Variants in NEDD4 observed in about 807,000 individuals in gnomAD.
The protein encoded by NEDD4 is E3 ubiquitin-protein ligase NEDD4.
In NEDD4, 99 loss-of-function variants were observed where a neutral mutation model predicts 144.9. That is an observed-to-expected ratio of 0.68 (90% CI 0.58 to 0.81). The LOEUF is 0.81. NEDD4 is among the 30% of genes least tolerant of loss of function. NEDD4 has a pLI of 0.00. For missense variants in NEDD4, 985 were observed against 1,065.9 expected, an observed-to-expected ratio of 0.92 and a Z score of 1.06; for synonymous variants, 318 against 350.6, an observed-to-expected ratio of 0.91 and a Z score of 1.04.
intron 5 of NEDD4, among the ~76,000 whole-genome samples, chr15:55,874,668 T>C (rs931218242): frequency 1.3e-5 from 2 of 152,184 alleles, no homozygotes; most frequent in Non-Finnish European, 2.9e-5. Context: ...TTCAGCTATG[T>C]TAACTTGCTA....
At chr15:55,985,065 G>A (rs1272527135) in intron 1 of NEDD4, among the ~76,000 whole-genome samples, 1 of 152,166 alleles carries the variant, frequency 6.6e-6, no homozygotes, top group Non-Finnish European at 1.5e-5. Flanking sequence ...AATTATGCAA[G>A]ATTCACCAAG....
chr15:55,980,733 G>A (rs2037784120), intron 1 of NEDD4, among the ~76,000 whole-genome samples: 1 of 152,146 alleles, frequency 6.6e-6, no homozygotes, highest in African/African-American at 2.4e-5. Flanking sequence ...GCAAGAGGCT[G>A]TCTTCAACAA....
intron 4 of NEDD4, among the ~76,000 whole-genome samples, chr15:55,938,636 T>C (rs1439944240): frequency 6.6e-6 from 1 of 151,932 alleles, no homozygotes; most frequent in African/African-American, 2.4e-5. Flanking sequence ...TAAAAAGCTA[T>C]ATGACAAAAG....
At chr15:55,981,133 C>A (rs2037796030) in intron 1 of NEDD4, among the ~76,000 whole-genome samples, 1 of 151,472 alleles carries the variant, frequency 6.6e-6, no homozygotes, top group Non-Finnish European at 1.5e-5. Flanking sequence ...ATGTCTACCT[C>A]CCAGGTTCAA....
chr15:55,982,728 C>T (rs1196040476), intron 1 of NEDD4, among the ~76,000 whole-genome samples: 1 of 152,158 alleles, frequency 6.6e-6, no homozygotes, highest in Non-Finnish European at 1.5e-5. Context: ...TTGTAAATTT[C>T]ACTCTTCCCC....
At chr15:55,960,892 T>C (rs1463606788) in intron 2 of NEDD4, among the ~76,000 whole-genome samples, 9 of 152,218 alleles carry the variant, frequency 5.9e-5, no homozygotes, top group Non-Finnish European at 1.3e-4. Context: ...GTGCATGTCC[T>C]AGATGGCTCC....
rs1389676827 is a variant in NEDD4, at chr15:55,829,470, T to C, written c.*427A>G. The C allele has an allele frequency of 6.5e-6, 1 of 154,816 alleles. No homozygotes were observed. Among genetic ancestry groups the C allele is most frequent in the East Asian group, 1.9e-4 (1 of 5,260 alleles). 9.6% of individuals were successfully genotyped at this position (154,816 alleles called of 1,614,324 possible). A position where few individuals can be genotyped will look rare whatever the true frequency, so the allele number is the denominator to read the frequency against. On this transcript the variant is annotated 3_prime_UTR_variant, in exon 29 of 29. Transcript: ENST00000435532. The stretch of plus-strand genomic sequence containing the variant: ...CAAATTTCAGTTTTCCATCTCAAAA[T>C]GCATCAAACTTTTCACACATGACAC...
chr15:55,851,119 G>A (rs1214401841), intron 13 of NEDD4, among the ~76,000 whole-genome samples: 1 of 152,146 alleles, frequency 6.6e-6, no homozygotes, highest in East Asian at 1.9e-4. Flanking sequence ...CCTATAGGAG[G>A]AGGTCGTCTT....
At chr15:55,955,877 A>G (rs1046723309) in intron 2 of NEDD4, among the ~76,000 whole-genome samples, 10 of 148,730 alleles carry the variant, frequency 6.7e-5, no homozygotes, top group African/African-American at 2.5e-4. Context: ...GTAAGGTGGC[A>G]CAAACACGGC....
intron 5 of NEDD4, among the ~76,000 whole-genome samples, chr15:55,899,324 A>G (rs1461730174): frequency 6.6e-6 from 1 of 152,242 alleles, no homozygotes; most frequent in African/African-American, 2.4e-5. Context: ...TTTCAGAAGT[A>G]GAAACTGATT....
chr15:55,920,758 G>A (rs1301047993), intron 5 of NEDD4, among the ~76,000 whole-genome samples: 1 of 152,150 alleles, frequency 6.6e-6, no homozygotes, highest in Non-Finnish European at 1.5e-5. Context: ...CATTTATAAT[G>A]ACACAGGTCA....
At chr15:55,923,832 T>TC (rs1362543202) in intron 5 of NEDD4, among the ~76,000 whole-genome samples, 1 of 149,746 alleles carries the variant, frequency 6.7e-6, no homozygotes, top group Non-Finnish European at 1.5e-5. Context: ...AAAACAGACT[T>TC]TTTTTTAAAA....
chr15:55,938,844 G>A (rs1302085178), intron 4 of NEDD4, among the ~76,000 whole-genome samples: 11 of 152,154 alleles, frequency 7.2e-5, no homozygotes, highest in Admixed American at 5.2e-4. Flanking sequence ...AGTGGCTCAT[G>A]CCTGTGATCT....
At chr15:55,852,621 C>A in intron 12 of NEDD4, 78 bp from the exon 13 acceptor site, 1 of 1,384,168 alleles carries the variant, frequency 7.2e-7, no homozygotes, top group Admixed American at 1.9e-5. Flanking sequence ...TTCCCTCTGT[C>A]CCTATGTCTA....
At chr15:55,916,226 C>G in intron 5 of NEDD4, 1 of 1,613,914 alleles carries the variant, frequency 6.2e-7, no homozygotes, top group Non-Finnish European at 8.5e-7. Flanking sequence ...AGTTTCCACC[C>G]AAAAAAGTAT....
Position 55,993,527 on chromosome 15 carries a change from C to T in NEDD4, c.29G>A (p.Gly10Glu). The T allele has an allele frequency of 1.3e-6, 2 of 1,598,024 alleles. No homozygotes were observed. Among genetic ancestry groups the T allele is most frequent in the African/African-American group, 1.4e-5 (1 of 73,208 alleles). Reference protein sequence around the residue: MATCAVEVFGLLEDEENSRI... With the variant: MATCAVEVFELLEDEENSRI... The stretch of plus-strand genomic sequence containing the variant: ...TCCCCGCACCTCGTCCTCCAGGAGC[C>T]CGAACACCTCCACCGCGCAAGTTGC... Residue 10 changes from glycine (G) to glutamate (E), a missense_variant, in exon 1 of 29, where the codon GGG (glycine) becomes GAG (glutamate). Gly to Glu is a moderately conservative substitution (Grantham distance 98). Coordinates refer to ENST00000435532, the MANE Select transcript of NEDD4 (RefSeq NM_006154.4).
intron 5 of NEDD4, among the ~76,000 whole-genome samples, chr15:55,874,568 C>T (rs2034922580): frequency 6.6e-6 from 1 of 152,202 alleles, no homozygotes; most frequent in African/African-American, 2.4e-5. Flanking sequence ...TTACTCTGAA[C>T]TGAACAAGTG....
At chr15:55,887,387 T>C (rs1029436269) in intron 5 of NEDD4, among the ~76,000 whole-genome samples, 14 of 152,216 alleles carry the variant, frequency 9.2e-5, no homozygotes, top group Admixed American at 4.6e-4. Context: ...TTGGAAAATC[T>C]AGAAGTGGAT....
At position 55,916,696 on chromosome 15, in the gene NEDD4, C is replaced by T; in HGVS notation, c.291+7950G>A. 6.8e-6 allele frequency: 11 copies of T among 1,613,992 alleles called. No homozygotes were observed. Among genetic ancestry groups the T allele is most frequent in the East Asian group, 2.2e-5 (1 of 44,874 alleles). ...CTGGGAGTCAGCTTCATTTGAACAACGTTAGACGTTGAAATCCGTGTTGGT... is the reference window on the plus strand; with the variant it reads ...CTGGGAGTCAGCTTCATTTGAACAATGTTAGACGTTGAAATCCGTGTTGGT... On this transcript the variant is annotated intron_variant, in intron 5 of 28. Coordinates refer to ENST00000435532, the MANE Select transcript of NEDD4 (RefSeq NM_006154.4).
Sources: allele counts gnomAD v4.1 joint callset (sites outside exome capture counted in the v4.1 genomes callset), GRCh38; gene constraint gnomAD v4.1.1; transcripts MANE v1.5; gene names NCBI Gene and HGNC (gene_info 2026-07-23, HGNC 2026-07-21).